The following PLXDC2 variants were observed in gnomAD, a reference collection of about 807,000 sequenced individuals.
PLXDC2 encodes plexin domain-containing protein 2.
PLXDC2 carries 40 observed loss-of-function variants against 68.9 expected under a neutral mutation model. The ratio of observed to expected loss-of-function variants is 0.58; its 90% CI spans 0.45 to 0.76. The LOEUF is 0.76. Ranked by LOEUF, PLXDC2 falls within the 30% of genes least tolerant of loss-of-function variation. The probability of loss-of-function intolerance (pLI) is 0.00; values close to 1 mark genes in which losing one functional copy is unlikely to be tolerated. For synonymous variants in PLXDC2, 243 were observed against 234.2 expected, an observed-to-expected ratio of 1.04 and a Z score of -0.34; for missense variants, 644 against 661.9, an observed-to-expected ratio of 0.97 and a Z score of 0.30.
chr10:19,872,905 G>A (rs1029858036), intron 1 of PLXDC2, among the ~76,000 whole-genome samples: 4 of 152,100 alleles, frequency 2.6e-5, no homozygotes, highest in Non-Finnish European at 5.9e-5. Flanking sequence ...ACCAGTGTGC[G>A]GGAAAGAGTC....
intron 1 of PLXDC2, among the ~76,000 whole-genome samples, chr10:19,853,942 C>T (rs898386414): frequency 1.3e-5 from 2 of 152,198 alleles, no homozygotes; most frequent in Non-Finnish European, 1.5e-5. Flanking sequence ...TGCACAGGCT[C>T]TGCAGAAACC....
chr10:20,205,957 T>C lies in PLXDC2; in HGVS notation c.1062-5712T>C, dbSNP rs146444437. 4.6e-3 allele frequency among the ~76,000 whole-genome samples: 706 copies of C among 152,242 alleles called. 4 individuals carry two copies. Among genetic ancestry groups the C allele is most frequent in the Non-Finnish European group, 7.9e-3 (536 of 67,992 alleles). On this transcript the variant is annotated intron_variant, in intron 9 of 13. Transcript: ENST00000377252. ...TTTTGCTGTACCTATCTATTATATATTGCATATAATGACTATATTGTATAT... is the reference window on the plus strand; with the variant it reads ...TTTTGCTGTACCTATCTATTATATACTGCATATAATGACTATATTGTATAT...
chr10:20,175,900 T>A (rs1332680864), intron 7 of PLXDC2, among the ~76,000 whole-genome samples: 1 of 152,146 alleles, frequency 6.6e-6, no homozygotes, highest in African/African-American at 2.4e-5. Context: ...TGCATTCTTA[T>A]CAGTACAGGC....
At chr10:20,239,778 A>T (rs766453582) in intron 12 of PLXDC2, among the ~76,000 whole-genome samples, 24 of 152,210 alleles carry the variant, frequency 1.6e-4, no homozygotes, top group Non-Finnish European at 3.1e-4. Context: ...GTCGAGCCAC[A>T]TATGGACATC....
intron 9 of PLXDC2, among the ~76,000 whole-genome samples, chr10:20,199,098 T>C (rs1434296345): frequency 6.6e-6 from 1 of 152,050 alleles, no homozygotes; most frequent in Non-Finnish European, 1.5e-5. Flanking sequence ...CATAGTCAAA[T>C]AATAAATCTA....
intron 9 of PLXDC2, among the ~76,000 whole-genome samples, chr10:20,207,839 C>T (rs1383857400): frequency 6.9e-6 from 1 of 145,672 alleles, no homozygotes; most frequent in Non-Finnish European, 1.5e-5. Flanking sequence ...AATAGCTTAA[C>T]TTCAATGGAT....
intron 12 of PLXDC2, 52 bp downstream of exon 12, chr10:20,219,154 T>A: frequency 6.5e-7 from 1 of 1,547,198 alleles, no homozygotes; most frequent in South Asian, 1.2e-5. Flanking sequence ...TGAATTCATT[T>A]CATTTATTTT....
chr10:20,183,132 G>A (rs923123384), intron 9 of PLXDC2, among the ~76,000 whole-genome samples: 2 of 151,864 alleles, frequency 1.3e-5, no homozygotes, highest in Non-Finnish European at 2.9e-5. Context: ...GTTTGCTTTG[G>A]GACAAGATAA....
chr10:19,911,049 G>C (rs2131374057), intron 1 of PLXDC2, among the ~76,000 whole-genome samples: 1 of 143,538 alleles, frequency 7.0e-6, no homozygotes, highest in East Asian at 2.0e-4. Context: ...GAATAGCTTA[G>C]TTTATGCCTC....
At chr10:20,180,584 T>G (rs912462464) in intron 9 of PLXDC2, among the ~76,000 whole-genome samples, 6 of 152,108 alleles carry the variant, frequency 3.9e-5, no homozygotes, top group Non-Finnish European at 7.4e-5. Context: ...AGCTCTTACT[T>G]TCTTCTTTGT....
intron 2 of PLXDC2, among the ~76,000 whole-genome samples, chr10:20,020,984 T>C (rs925985398): frequency 6.6e-6 from 1 of 152,226 alleles, no homozygotes; most frequent in Admixed American, 6.5e-5. Flanking sequence ...AATAATTTCC[T>C]GTTATTTCCT....
intron 1 of PLXDC2, among the ~76,000 whole-genome samples, chr10:19,861,888 C>T (rs541693952): frequency 2.3e-4 from 35 of 152,254 alleles, no homozygotes; most frequent in African/African-American, 8.4e-4. Context: ...CATCAAGATC[C>T]TGGTCTTTCA....
rs537480480 is a variant in PLXDC2, at chr10:20,055,493, C to A, written c.471+8478C>A. ...ATTGAAAGGCAGTTTAATTTACTTT[C>A]TCTATTAGGCTATTATCTAGACTGC... On this transcript the variant is annotated intron_variant, in intron 3 of 13. Coordinates refer to ENST00000377252, the MANE Select transcript of PLXDC2 (RefSeq NM_032812.9). Among the ~76,000 whole-genome samples, 29 of 152,172 alleles carry A rather than the reference C, an allele frequency of 1.9e-4. No homozygotes were observed. The South Asian group carries it at 5.8e-3, about 30-fold the overall frequency.
chr10:20,260,502 T>C (rs1012513010), intron 13 of PLXDC2, among the ~76,000 whole-genome samples: 2 of 152,250 alleles, frequency 1.3e-5, no homozygotes, highest in African/African-American at 4.8e-5. Flanking sequence ...TCCAGGTTCA[T>C]CTACGTTGTT....
intron 10 of PLXDC2, among the ~76,000 whole-genome samples, chr10:20,214,179 G>A (rs11011875): frequency 0.29 from 43,936 of 151,842 alleles, 7,240 homozygotes; most frequent in East Asian, 0.54. Context: ...TAAATATTCC[G>A]TGTATGATTT....
intron 6 of PLXDC2, among the ~76,000 whole-genome samples, chr10:20,155,835 T>C (rs1472254991): frequency 6.6e-6 from 1 of 152,148 alleles, no homozygotes; most frequent in Non-Finnish European, 1.5e-5. Context: ...AGTAGCCAGG[T>C]AGAAAGATCA....
intron 13 of PLXDC2, among the ~76,000 whole-genome samples, chr10:20,249,924 C>T (rs1247774199): frequency 6.6e-6 from 1 of 152,136 alleles, no homozygotes; most frequent in Non-Finnish European, 1.5e-5. Flanking sequence ...TCACTAAACA[C>T]TTGTATGAGT....
intron 1 of PLXDC2, among the ~76,000 whole-genome samples, chr10:19,892,881 A>G (rs1343846103): frequency 1.3e-5 from 2 of 151,140 alleles, no homozygotes; most frequent in Admixed American, 1.3e-4. Flanking sequence ...AGACAGCAGG[A>G]GGAGCCTGGC....
At chr10:20,271,325 G>A (rs549761424) in intron 13 of PLXDC2, among the ~76,000 whole-genome samples, 7 of 152,258 alleles carry the variant, frequency 4.6e-5, no homozygotes, top group South Asian at 2.1e-4. Context: ...GTTTTAAAGC[G>A]GGGAGCAGGC....
Sources: allele counts gnomAD v4.1 joint callset (sites outside exome capture counted in the v4.1 genomes callset), GRCh38; gene constraint gnomAD v4.1.1; transcripts MANE v1.5; gene names NCBI Gene and HGNC (gene_info 2026-07-23, HGNC 2026-07-21).